KCNMA1: variants seen among roughly 807,000 people sequenced by gnomAD.
KCNMA1 encodes the protein potassium calcium-activated channel subfamily M alpha 1, also known as Calcium-activated potassium channel subunit alpha-1.
Under a neutral mutation model 140.0 loss-of-function variants are expected in KCNMA1, and 29 were observed. The ratio of observed to expected loss-of-function variants is 0.21; its 90% CI spans 0.15 to 0.28. KCNMA1 has a LOEUF of 0.28. Among genes scored for constraint, KCNMA1 ranks in the 10% least tolerant of loss-of-function variants. KCNMA1 has a pLI of 1.00. For missense variants in KCNMA1, 880 were observed against 1,602.2 expected, an observed-to-expected ratio of 0.55 and a Z score of 7.70; for synonymous variants, 612 against 611.9, an observed-to-expected ratio of 1.00 and a Z score of 0.00.
At chr10:77,351,320 G>C (rs892236352) in intron 2 of KCNMA1, among the ~76,000 whole-genome samples, 4 of 152,158 alleles carry the variant, frequency 2.6e-5, no homozygotes, top group African/African-American at 9.7e-5. Flanking sequence ...AGACCACCAG[G>C]ATATTTGGGG....
intron 16 of KCNMA1, chr10:77,022,807 T>G: frequency 4.3e-6 from 1 of 233,742 alleles, no homozygotes; most frequent in Non-Finnish European, 9.1e-6. Flanking sequence ...GCTACAATTC[T>G]CATCAGTCAG....
Position 77,637,317 on chromosome 10 carries a change from C to T in KCNMA1, c.326G>A (p.Arg109Gln). ...CACGGTCCACAGGTACTTGAGCGTCCGCCAGAGCAAGATGATGAAGAGGCC... is the reference window on the plus strand; with the variant it reads ...CACGGTCCACAGGTACTTGAGCGTCTGCCAGAGCAAGATGATGAAGAGGCC... ...FGGLFIILLW[R>Q]TLKYLWTVCC... The change falls in exon 1 of 28, where the codon CGG (arginine) becomes CAG (glutamine). Residue 109 changes from arginine to glutamine, a missense_variant. By Grantham distance (43) the Arg-to-Gln change is conservative. This residue lies in a region of KCNMA1 where 31 missense variants were observed against 75.0 expected (regional missense o/e 0.41). Coordinates refer to ENST00000286628, the MANE Select transcript of KCNMA1 (RefSeq NM_001161352.2). 1 of 1,613,660 alleles carries T rather than the reference C, an allele frequency of 6.2e-7. No homozygotes were observed. The highest frequency in any genetic ancestry group is 1.1e-5 in the South Asian group (1 of 90,966).
intron 2 of KCNMA1, among the ~76,000 whole-genome samples, chr10:77,378,635 C>T (rs2095269148): frequency 6.6e-6 from 1 of 152,224 alleles, no homozygotes; most frequent in African/African-American, 2.4e-5. Flanking sequence ...CTCTGATCCT[C>T]AGCTTCCTCA....
chr10:76,906,388 A>T (rs1052741013), intron 25 of KCNMA1, among the ~76,000 whole-genome samples: 1 of 152,144 alleles, frequency 6.6e-6, no homozygotes, highest in Admixed American at 6.5e-5. Flanking sequence ...ATTCCCTCTC[A>T]TCCTGTGTTT....
At chr10:77,438,862 A>C (rs193183218) in intron 1 of KCNMA1, among the ~76,000 whole-genome samples, 19 of 152,304 alleles carry the variant, frequency 1.2e-4, no homozygotes, top group African/African-American at 4.6e-4. Flanking sequence ...GGATCACCTG[A>C]GGTCAGGAGT....
intron 23 of KCNMA1, among the ~76,000 whole-genome samples, chr10:76,940,981 G>GAA (rs1246991791): frequency 7.8e-6 from 1 of 127,460 alleles, no homozygotes; most frequent in African/African-American, 3.3e-5. Flanking sequence ...AAGAAAGAAA[G>GAA]AGAGAAAGAG....
At chr10:77,271,478 A>T (rs967915677) in intron 2 of KCNMA1, among the ~76,000 whole-genome samples, 1 of 152,170 alleles carries the variant, frequency 6.6e-6, no homozygotes, top group Non-Finnish European at 1.5e-5. Context: ...CCTCCCAGAG[A>T]TGTGGCCTAG....
chr10:77,332,251 GGA>G (rs757319424), intron 2 of KCNMA1, among the ~76,000 whole-genome samples: 54 of 152,156 alleles, frequency 3.5e-4, no homozygotes, highest in Non-Finnish European at 5.9e-4. Context: ...GGGAAAAAAA[GGA>G]GAGAGAGTTG....
At chr10:77,468,505 T>C (rs2098083037) in intron 1 of KCNMA1, among the ~76,000 whole-genome samples, 1 of 152,126 alleles carries the variant, frequency 6.6e-6, no homozygotes, top group Admixed American at 6.5e-5. Flanking sequence ...CTGGTGTCCT[T>C]AGAAGAAGAG....
intron 2 of KCNMA1, among the ~76,000 whole-genome samples, chr10:77,367,843 T>C (rs1035970572): frequency 2.6e-5 from 4 of 152,176 alleles, no homozygotes. Context: ...TTGAGCAAAA[T>C]GTTGTTGAGA....
At chr10:76,951,289 C>T (rs949318693) in intron 21 of KCNMA1, among the ~76,000 whole-genome samples, 7 of 152,064 alleles carry the variant, frequency 4.6e-5, no homozygotes, top group African/African-American at 7.2e-5. Context: ...GCCTCAGCCC[C>T]GGTGTGTCTG....
At chr10:77,465,899 C>G (rs2097993737) in intron 1 of KCNMA1, among the ~76,000 whole-genome samples, 1 of 152,176 alleles carries the variant, frequency 6.6e-6, no homozygotes, top group African/African-American at 2.4e-5. Flanking sequence ...CAGTCCACAA[C>G]CTGCCTCAGC....
intron 14 of KCNMA1, among the ~76,000 whole-genome samples, chr10:77,066,440 C>G (rs1171726703): frequency 6.6e-6 from 1 of 151,962 alleles, no homozygotes; most frequent in Non-Finnish European, 1.5e-5. Context: ...ATGGCATTGC[C>G]AATAGTAAAA....
chr10:76,920,022 A>C (rs541719621), intron 23 of KCNMA1, among the ~76,000 whole-genome samples: 1 of 59,674 alleles, frequency 1.7e-5, no homozygotes, highest in Non-Finnish European at 2.9e-5. Context: ...GTGTGTGTGT[A>C]TATATATATA....
chr10:77,532,782 A>C (rs1193720980), intron 1 of KCNMA1, among the ~76,000 whole-genome samples: 1 of 152,088 alleles, frequency 6.6e-6, no homozygotes, highest in Non-Finnish European at 1.5e-5. Flanking sequence ...AGTAACCCTG[A>C]TAGTCAATAG....
intron 2 of KCNMA1, among the ~76,000 whole-genome samples, chr10:77,400,764 A>C (rs2096237923): frequency 6.6e-6 from 1 of 152,178 alleles, no homozygotes; most frequent in South Asian, 2.1e-4. Context: ...GATACGGAAG[A>C]AATACGACAT....
At chr10:77,523,979 G>C (rs2054574379) in intron 1 of KCNMA1, among the ~76,000 whole-genome samples, 1 of 152,154 alleles carries the variant, frequency 6.6e-6, no homozygotes. Flanking sequence ...AAGGATAAAT[G>C]CTTGAGGAGA....
intron 1 of KCNMA1, among the ~76,000 whole-genome samples, chr10:77,604,205 C>T (rs1351829479): frequency 1.3e-5 from 2 of 152,214 alleles, no homozygotes; most frequent in Non-Finnish European, 2.9e-5. Flanking sequence ...GTGGTAGGGA[C>T]AGGATTCAAA....
At chr10:77,391,748 C>T (rs570319422) in intron 2 of KCNMA1, among the ~76,000 whole-genome samples, 1 of 152,070 alleles carries the variant, frequency 6.6e-6, no homozygotes, top group Non-Finnish European at 1.5e-5. Flanking sequence ...GTCAGTCTGC[C>T]TCCTCCTAAA....
Sources: allele counts gnomAD v4.1 joint callset (sites outside exome capture counted in the v4.1 genomes callset), GRCh38; gene constraint gnomAD v4.1.1; regional missense constraint gnomAD v4.1.1; transcripts MANE v1.5; gene names NCBI Gene and HGNC (gene_info 2026-07-23, HGNC 2026-07-21).